Variants in MMADHC observed in about 807,000 individuals in gnomAD.
The protein encoded by MMADHC is cobalamin trafficking protein CblD.
A neutral mutation model predicts 36.3 loss-of-function variants in MMADHC; 23 were observed. That is an observed-to-expected ratio of 0.63 (90% CI 0.46 to 0.90). The LOEUF is 0.90. MMADHC is among the 40% of genes least tolerant of loss of function. The pLI, the probability that MMADHC is intolerant of heterozygous loss-of-function variation, is 0.00. For missense variants in MMADHC, 330 were observed against 348.0 expected (o/e 0.95, Z 0.41); for synonymous variants, 97 against 116.1 (o/e 0.84, Z 1.06).
intron 6 of MMADHC, among the ~76,000 whole-genome samples, chr2:149,572,598 G>T (rs1682660421): frequency 6.6e-6 from 1 of 152,102 alleles, no homozygotes; most frequent in Admixed American, 6.5e-5. Context: ...GCAAAGTAAT[G>T]GTGTCACTGG....
At chr2:149,582,061 A>G (rs1682801702) in intron 3 of MMADHC, 66 bp downstream of exon 3, 3 of 1,562,592 alleles carry the variant, frequency 1.9e-6, no homozygotes, top group Non-Finnish European at 2.6e-6. Context: ...AAGAAATATT[A>G]GAGGAAAATA....
At chr2:149,571,993 TAAAC>T (rs1450359850) in intron 6 of MMADHC, among the ~76,000 whole-genome samples, 2 of 152,118 alleles carry the variant, frequency 1.3e-5, no homozygotes, top group African/African-American at 2.4e-5. Flanking sequence ...TGTACAGAGT[TAAAC>T]AAGGTACTTG....
intron 4 of MMADHC, among the ~76,000 whole-genome samples, chr2:149,577,648 A>C (rs1682735974): frequency 6.6e-6 from 1 of 151,042 alleles, no homozygotes; most frequent in Non-Finnish European, 1.5e-5. Context: ...GCAGAGCAAA[A>C]CTCTGTCTCA....
chr2:149,571,073 A>C lies in MMADHC; in HGVS notation c.696+12T>G. The C allele has an allele frequency of 6.3e-7, 1 of 1,579,148 alleles. No individual in the cohort carries two copies. The highest frequency in any genetic ancestry group is 8.7e-7 in the Non-Finnish European group (1 of 1,148,458). On this transcript the variant is annotated intron_variant, in intron 7 of 7. Transcript: ENST00000303319. ...CTTCATATAATCTGATTTTCAAATG[A>C]TAATTACTCACTGCCAAACCAGATG...
chr2:149,577,911 G>A (rs543149572), intron 4 of MMADHC, among the ~76,000 whole-genome samples: 2 of 152,146 alleles, frequency 1.3e-5, no homozygotes, highest in African/African-American at 4.8e-5. Context: ...TCAGCTACTC[G>A]GGAGGCTGAG....
intron 6 of MMADHC, among the ~76,000 whole-genome samples, chr2:149,575,104 A>C (rs1682694218): frequency 1.3e-5 from 2 of 152,212 alleles, no homozygotes; most frequent in African/African-American, 4.8e-5. Flanking sequence ...AAAATTCTTA[A>C]ATAAATTAAA....
intron 6 of MMADHC, among the ~76,000 whole-genome samples, chr2:149,575,312 A>C (rs1334593856): frequency 6.6e-6 from 1 of 150,874 alleles, no homozygotes; most frequent in Non-Finnish European, 1.5e-5. Flanking sequence ...AACTGGCATA[A>C]TTTTCACTCT....
intron 6 of MMADHC, among the ~76,000 whole-genome samples, chr2:149,572,682 A>C (rs1682661776): frequency 6.6e-6 from 1 of 152,154 alleles, no homozygotes; most frequent in Non-Finnish European, 1.5e-5. Context: ...GAGGAGATAC[A>C]TAAAATGGGC....
At chr2:149,579,716 G>T in intron 3 of MMADHC, 68 bp from the exon 4 acceptor site, 1 of 1,261,710 alleles carries the variant, frequency 7.9e-7, no homozygotes, top group Non-Finnish European at 1.1e-6. Context: ...CTGAAAGAAT[G>T]CTCTTCTTAA....
At position 149,570,023 on chromosome 2, in the gene MMADHC, G is replaced by C. The variant is rs765537256; in HGVS notation, c.842C>G (p.Thr281Ser). The part of the protein sequence containing the change: ...GTHVVVGSIF[T>S]NATPDSHIMK... ...AATATGGCTGTCTGGTGTTGCATTA[G>C]TGAAGATACTCCCTACAACTACATG... Residue 281 changes from threonine (T) to serine (S), a missense_variant, in exon 8 of 8, where the codon ACT becomes AGT. Physicochemically the swap from Thr to Ser is moderately conservative, Grantham distance 58. Transcript: ENST00000303319. The C allele has an allele frequency of 3.1e-6, 5 of 1,613,634 alleles. No individual in the cohort carries two copies. Among genetic ancestry groups the C allele is most frequent in the Non-Finnish European group, 3.4e-6 (4 of 1,179,694 alleles).
chr2:149,574,410 T>C (rs543460813), intron 6 of MMADHC, among the ~76,000 whole-genome samples: 32 of 152,314 alleles, frequency 2.1e-4, no homozygotes, highest in African/African-American at 7.5e-4. Flanking sequence ...AATTATAATA[T>C]TGTTGAATAT....
chr2:149,582,056 A>G, intron 3 of MMADHC, 71 bp downstream of exon 3: 1 of 1,551,812 alleles, frequency 6.4e-7, no homozygotes, highest in Non-Finnish European at 8.9e-7. Flanking sequence ...TTAAGAAGAA[A>G]TATTAGAGGA....
In MMADHC at chr2:149,569,747, T is replaced by C. The variant is rs1682610685; in HGVS notation, c.*227A>G. On this transcript the variant is annotated 3_prime_UTR_variant, in exon 8 of 8. Coordinates refer to ENST00000303319, the MANE Select transcript of MMADHC (RefSeq NM_015702.3). Reference sequence around the variant, plus strand: ...AGATCATACCCTGGTTACAAGCTAATTACCACATCCTATACAATGTGGATG... The same window carrying C: ...AGATCATACCCTGGTTACAAGCTAACTACCACATCCTATACAATGTGGATG... 2.4e-6 allele frequency: 1 copy of C among 420,560 alleles called. No individual in the cohort carries two copies. The highest frequency in any genetic ancestry group is 4.3e-6 in the Non-Finnish European group (1 of 232,654). 26.1% of individuals were successfully genotyped at this position (420,560 alleles called of 1,614,324 possible).
In MMADHC at chr2:149,575,782, G is replaced by A. The variant is rs374702278; in HGVS notation, c.538C>T (p.Gln180Ter). Residue 180 changes from glutamine (Q) to a stop codon, truncating the protein, a stop_gained, in exon 6 of 8, where the codon CAA becomes TAA. Coordinates refer to ENST00000303319, the MANE Select transcript of MMADHC (RefSeq NM_015702.3). LOFTEE classifies it high-confidence loss of function. ...ACAGTCATATCATTCTTAGTTTTTT[G>A]TGTTACAGTCAGAATCATTAGTTTG... is the stretch of plus-strand genomic sequence containing the variant. ...NGKLMILTVT[Q>*]KTKNDMTVWS... The A allele has an allele frequency of 6.2e-7, 1 of 1,607,728 alleles. No individual in the cohort carries two copies. Among genetic ancestry groups the A allele is most frequent in the Non-Finnish European group, 8.5e-7 (1 of 1,175,708 alleles).
At chr2:149,583,849 T>C (rs780128891) in intron 2 of MMADHC, among the ~76,000 whole-genome samples, 14 of 152,292 alleles carry the variant, frequency 9.2e-5, no homozygotes, top group Non-Finnish European at 1.6e-4. Flanking sequence ...TAAAAATATC[T>C]CCCCAACATT....
chr2:149,576,143 G>A (rs1682713128), intron 5 of MMADHC, among the ~76,000 whole-genome samples: 1 of 151,988 alleles, frequency 6.6e-6, no homozygotes, highest in Admixed American at 6.5e-5. Flanking sequence ...AGATTTTTCC[G>A]TATTATATTA....
intron 2 of MMADHC, 66 bp from the exon 3 acceptor site, chr2:149,582,337 T>C: frequency 6.5e-7 from 1 of 1,535,714 alleles, no homozygotes; most frequent in Non-Finnish European, 8.9e-7. Context: ...ATAGACAATC[T>C]CTGGCAAATC....
intron 4 of MMADHC, among the ~76,000 whole-genome samples, chr2:149,578,557 G>A (rs1468996322): frequency 3.3e-5 from 5 of 152,106 alleles, no homozygotes; most frequent in Non-Finnish European, 7.4e-5. Context: ...CTGTGGAGGC[G>A]GCCAAGGGAT....
chr2:149,578,361 A>G (rs1234201568), intron 4 of MMADHC, among the ~76,000 whole-genome samples: 3 of 152,186 alleles, frequency 2.0e-5, no homozygotes, highest in Non-Finnish European at 4.4e-5. Flanking sequence ...TTATTCCACT[A>G]ATAGTATTGG....
Sources: allele counts gnomAD v4.1 joint callset (sites outside exome capture counted in the v4.1 genomes callset), GRCh38; gene constraint gnomAD v4.1.1; transcripts MANE v1.5; gene names NCBI Gene and HGNC (gene_info 2026-07-23, HGNC 2026-07-21).